Variants in PRKCE observed in about 807,000 individuals in gnomAD.
PRKCE encodes the protein protein kinase C epsilon type.
PRKCE carries 16 observed loss-of-function variants against 85.4 expected under a neutral mutation model. The ratio of observed to expected loss-of-function variants is 0.19; its 90% CI spans 0.13 to 0.28. The LOEUF (loss-of-function observed/expected upper bound fraction) is 0.28. Among genes scored for constraint, PRKCE ranks in the 10% least tolerant of loss-of-function variants. The pLI is 1.00. For synonymous variants in PRKCE, 388 were observed against 371.5 expected, an observed-to-expected ratio of 1.04 and a Z score of -0.51; for missense variants, 573 against 975.2, an observed-to-expected ratio of 0.59 and a Z score of 5.49.
intron 10 of PRKCE, among the ~76,000 whole-genome samples, chr2:46,071,989 C>T (rs769677733): frequency 2.0e-5 from 3 of 152,216 alleles, no homozygotes; most frequent in Admixed American, 6.5e-5. Context: ...GAATTCAGCA[C>T]CTTCCTCCGA....
At chr2:45,818,870 CTTGCAAGAATCCAGGGTGT>C (rs1381115933) in intron 1 of PRKCE, among the ~76,000 whole-genome samples, 5 of 152,128 alleles carry the variant, frequency 3.3e-5, no homozygotes, top group Non-Finnish European at 5.9e-5. Flanking sequence ...TATCTAATAG[CTTGCAAGAATCCAGGGTGT>C]TTGCTGAGGG....
At chr2:46,158,190 C>T (rs1677405562) in intron 13 of PRKCE, among the ~76,000 whole-genome samples, 1 of 152,136 alleles carries the variant, frequency 6.6e-6, no homozygotes, top group South Asian at 2.1e-4. Context: ...AAACCAGAAG[C>T]CTGGGGTCTA....
chr2:46,061,867 T>C (rs1476989494), intron 10 of PRKCE, among the ~76,000 whole-genome samples: 6 of 147,752 alleles, frequency 4.1e-5, no homozygotes, highest in Non-Finnish European at 8.9e-5. Flanking sequence ...TTCTTTTTTT[T>C]TTTTTTTTTT....
chr2:46,036,000 A>C (rs1293583527), intron 10 of PRKCE, among the ~76,000 whole-genome samples: 1 of 152,236 alleles, frequency 6.6e-6, no homozygotes, highest in Non-Finnish European at 1.5e-5. Flanking sequence ...GCTAGGGAAA[A>C]GGTGTTTGTT....
In PRKCE at chr2:45,786,445, T is replaced by A. The variant is rs1686609351; in HGVS notation, c.349-56555T>A. On this transcript the variant is annotated intron_variant, in intron 1 of 14. Transcript: ENST00000306156. This position sits in a 1 kb window ranked among gnomAD's most constrained non-coding sequence, Gnocchi z 5.3. ...AACTTCCGTTTCTGTACCCACCCAC[T>A]CCCTCTCTTTCTGGCTGCTCCTAGT... Among the ~76,000 whole-genome samples, 1 of 152,186 alleles carries A rather than the reference T, an allele frequency of 6.6e-6. No individual in the cohort carries two copies. Among genetic ancestry groups the A allele is most frequent in the African/African-American group, 2.4e-5 (1 of 41,440 alleles).
At chr2:46,003,611 CTA>C (rs1458370130) in intron 7 of PRKCE, among the ~76,000 whole-genome samples, 1 of 152,104 alleles carries the variant, frequency 6.6e-6, no homozygotes, top group Admixed American at 6.6e-5. Flanking sequence ...AAGATACTAA[CTA>C]TAAAAAGCTG....
chr2:45,834,282 G>T (rs1224617870), intron 1 of PRKCE, among the ~76,000 whole-genome samples: 1 of 152,158 alleles, frequency 6.6e-6, no homozygotes, highest in African/African-American at 2.4e-5. Flanking sequence ...CAGTTTTGAG[G>T]GGTGTTTATT....
At chr2:46,157,676 G>T (rs1677349456) in intron 13 of PRKCE, among the ~76,000 whole-genome samples, 1 of 152,248 alleles carries the variant, frequency 6.6e-6, no homozygotes, top group South Asian at 2.1e-4. Flanking sequence ...ACTGAGAAGA[G>T]CCTCTGGCTC....
chr2:45,700,807 T>G (rs1372626120), intron 1 of PRKCE, among the ~76,000 whole-genome samples: 1 of 152,136 alleles, frequency 6.6e-6, no homozygotes, highest in African/African-American at 2.4e-5. Flanking sequence ...ATGACTGGTG[T>G]CCTTATAAGA....
intron 2 of PRKCE, among the ~76,000 whole-genome samples, chr2:45,947,733 G>GCCTATTTC (rs1319456586): frequency 1.3e-5 from 2 of 152,090 alleles, no homozygotes; most frequent in African/African-American, 4.8e-5. Flanking sequence ...CAATTGATAG[G>GCCTATTTC]CACTTAGGCT....
chr2:45,879,939 A>G (rs1694760920), intron 2 of PRKCE, among the ~76,000 whole-genome samples: 1 of 152,228 alleles, frequency 6.6e-6, no homozygotes, highest in African/African-American at 2.4e-5. Context: ...TATTAATTCT[A>G]CAGTGGTGTA....
intron 10 of PRKCE, among the ~76,000 whole-genome samples, chr2:46,059,574 A>C (rs1468076361): frequency 6.6e-6 from 1 of 152,224 alleles, no homozygotes; most frequent in African/African-American, 2.4e-5. Flanking sequence ...TGCAGAGATT[A>C]GTTATTTTTC....
chr2:46,183,383 C>A (rs748309372), intron 14 of PRKCE, among the ~76,000 whole-genome samples: 1 of 152,222 alleles, frequency 6.6e-6, no homozygotes, highest in Admixed American at 6.5e-5. Flanking sequence ...TTCCACAGAG[C>A]ATAGCATATA....
At chr2:45,716,928 C>T (rs571182859) in intron 1 of PRKCE, among the ~76,000 whole-genome samples, 4 of 152,308 alleles carry the variant, frequency 2.6e-5, no homozygotes, top group Non-Finnish European at 4.4e-5. Context: ...CTTATAAAAC[C>T]ATCAGATCTT....
At chr2:45,809,530 G>A (rs1688497683) in intron 1 of PRKCE, among the ~76,000 whole-genome samples, 1 of 152,132 alleles carries the variant, frequency 6.6e-6, no homozygotes. Context: ...GACTGTAACA[G>A]AAAGCCTCCA....
rs1668027181 is a variant in PRKCE at position 46,070,843 on chromosome 2, T to C, written c.1438-15365T>C. 2.0e-5 allele frequency among the ~76,000 whole-genome samples: 3 copies of C among 152,168 alleles called. No individual in the cohort carries two copies. In the South Asian group the frequency reaches 6.2e-4, roughly 32 times the overall value. The stretch of plus-strand genomic sequence containing the variant: ...AGCCTCTGTATCTTTGTGTCAAATG[T>C]GGATGTTAACATTTGCTTTCATAAT... On this transcript the variant is annotated intron_variant, in intron 10 of 14. Transcript: ENST00000306156.
chr2:46,072,145 A>G (rs1204970176), intron 10 of PRKCE, among the ~76,000 whole-genome samples: 2 of 152,156 alleles, frequency 1.3e-5, no homozygotes, highest in Non-Finnish European at 2.9e-5. Flanking sequence ...AATTTAAAAA[A>G]CCCTTTCACG....
intron 2 of PRKCE, among the ~76,000 whole-genome samples, chr2:45,917,201 C>A (rs1411669516): frequency 6.6e-6 from 1 of 152,182 alleles, no homozygotes; most frequent in African/African-American, 2.4e-5. Flanking sequence ...AAAAGTTTTC[C>A]ACGTCCCCAC....
At chr2:45,807,884 C>G (rs1688363176) in intron 1 of PRKCE, among the ~76,000 whole-genome samples, 1 of 152,006 alleles carries the variant, frequency 6.6e-6, no homozygotes. Flanking sequence ...CTTTCTCTCC[C>G]CCTGCTGCTT....
Sources: gnomAD v4.1 joint callset for allele counts (sites outside exome capture counted in the v4.1 genomes callset) on GRCh38, gnomAD v4.1.1 for gene constraint, Gnocchi (gnomAD v3.1) non-coding constraint, MANE v1.5 for transcripts, NCBI Gene and HGNC (gene_info 2026-07-23, HGNC 2026-07-21) for gene names.